PTPRO: variants seen among roughly 807,000 people sequenced by gnomAD.
The protein encoded by PTPRO is protein tyrosine phosphatase receptor type O.
A neutral mutation model predicts 145.2 loss-of-function variants in PTPRO; 62 were observed. That is an observed-to-expected ratio of 0.43 (90% CI 0.35 to 0.53). The LOEUF is 0.53. Ranked by LOEUF, PTPRO falls within the 20% of genes least tolerant of loss-of-function variation. The probability of loss-of-function intolerance (pLI) is 0.01; values close to 1 mark genes in which losing one functional copy is unlikely to be tolerated. For synonymous variants in PTPRO, 565 were observed against 514.7 expected, an observed-to-expected ratio of 1.10 and a Z score of -1.32; for missense variants, 1,345 against 1,482.7, an observed-to-expected ratio of 0.91 and a Z score of 1.53.
chr12:15,578,942 A>G lies in PTPRO; in HGVS notation c.2919A>G (p.Pro973=), dbSNP rs753486607. 2.5e-6 allele frequency: 4 copies of G among 1,575,732 alleles called. No homozygotes were observed. The highest frequency in any genetic ancestry group is 3.5e-6 in the Non-Finnish European group (4 of 1,145,222). ...AAAACCGTTACACAAACATCCTACCATGTAAGATCGTCAATTGTGCCAATA... is the reference window on the plus strand; with the variant it reads ...AAAACCGTTACACAAACATCCTACCGTGTAAGATCGTCAATTGTGCCAATA... ...RCKNRYTNIL[P]YDFSRVRLVS... is the part of the protein sequence containing the mutation. The change falls in exon 20 of 27, where the codon CCA becomes CCG. Residue 973 remains proline (P), a splice_region_variant and synonymous_variant. Coordinates refer to ENST00000281171, the MANE Select transcript of PTPRO (RefSeq NM_030667.3).
chr12:15,527,502 A>G (rs1565686095), intron 12 of PTPRO, among the ~76,000 whole-genome samples: 1 of 152,172 alleles, frequency 6.6e-6, no homozygotes, highest in Non-Finnish European at 1.5e-5. Context: ...AGTCCCAGCA[A>G]CTCTGCTCTG....
chr12:15,569,618 G>T, intron 19 of PTPRO, 120 bp downstream of exon 19: 2 of 895,850 alleles, frequency 2.2e-6, no homozygotes, highest in East Asian at 5.1e-5. Context: ...TATTGGCCTG[G>T]GGATTGCTGA....
At chr12:15,490,133 G>C (rs1050565185) in intron 2 of PTPRO, among the ~76,000 whole-genome samples, 2 of 152,232 alleles carry the variant, frequency 1.3e-5, no homozygotes, top group African/African-American at 4.8e-5. Flanking sequence ...GCTCTCTCTT[G>C]TAGCAAAGCT....
chr12:15,529,518 C>T (rs982192514), intron 12 of PTPRO, among the ~76,000 whole-genome samples: 7 of 151,926 alleles, frequency 4.6e-5, no homozygotes, highest in African/African-American at 1.4e-4. Flanking sequence ...TGACACATGC[C>T]TGTGGTCCCA....
chr12:15,396,610 G>A (rs1375289194), intron 1 of PTPRO, among the ~76,000 whole-genome samples: 1 of 152,052 alleles, frequency 6.6e-6, no homozygotes, highest in Non-Finnish European at 1.5e-5. Context: ...ATTGAACAAG[G>A]AATCTAGTAA....
chr12:15,452,399 G>A (rs1272399773), intron 1 of PTPRO, among the ~76,000 whole-genome samples: 1 of 152,084 alleles, frequency 6.6e-6, no homozygotes, highest in Non-Finnish European at 1.5e-5. Context: ...ATTCACAGGT[G>A]AATTCTATCA....
At chr12:15,370,899 A>G (rs1321787224) in intron 1 of PTPRO, among the ~76,000 whole-genome samples, 1 of 152,226 alleles carries the variant, frequency 6.6e-6, no homozygotes, top group African/African-American at 2.4e-5. Flanking sequence ...TTAAATTTCC[A>G]ACAATCAGAG....
At chr12:15,429,769 A>G (rs1940383139) in intron 1 of PTPRO, among the ~76,000 whole-genome samples, 1 of 152,182 alleles carries the variant, frequency 6.6e-6, no homozygotes, top group Non-Finnish European at 1.5e-5. Context: ...AAACAACTGG[A>G]TGAGTGTAAG....
intron 1 of PTPRO, among the ~76,000 whole-genome samples, chr12:15,347,505 T>G (rs1295382512): frequency 1.3e-5 from 2 of 152,168 alleles, no homozygotes; most frequent in Non-Finnish European, 2.9e-5. Context: ...ACAGATGTAA[T>G]TAATTTTTAG....
At chr12:15,590,262 C>T (rs1944518808) in intron 25 of PTPRO, among the ~76,000 whole-genome samples, 1 of 152,190 alleles carries the variant, frequency 6.6e-6, no homozygotes, top group Non-Finnish European at 1.5e-5. Context: ...CAACCCAAGG[C>T]AACGCCGGCA....
At chr12:15,572,830 T>C (rs536836330) in intron 19 of PTPRO, among the ~76,000 whole-genome samples, 19 of 152,242 alleles carry the variant, frequency 1.2e-4, no homozygotes, top group East Asian at 1.2e-3. Context: ...CAGATGAAAT[T>C]TGAAAATGTG....
At chr12:15,507,500 A>G (rs566912723) in intron 6 of PTPRO, among the ~76,000 whole-genome samples, 15 of 152,316 alleles carry the variant, frequency 9.8e-5, no homozygotes, top group African/African-American at 3.6e-4. Context: ...TTATATGCTA[A>G]AAAACAGTTT....
At chr12:15,445,497 G>C (rs1591818386) in intron 1 of PTPRO, among the ~76,000 whole-genome samples, 1 of 152,126 alleles carries the variant, frequency 6.6e-6, no homozygotes, top group South Asian at 2.1e-4. Context: ...AAGGAGTGAA[G>C]TTCTTTGGTT....
At chr12:15,428,667 T>C (rs1359255683) in intron 1 of PTPRO, among the ~76,000 whole-genome samples, 1 of 152,140 alleles carries the variant, frequency 6.6e-6, no homozygotes, top group African/African-American at 2.4e-5. Context: ...TATTACTGTT[T>C]CAAATAAGAT....
chr12:15,420,148 G>GAAA (rs35302259), intron 1 of PTPRO, among the ~76,000 whole-genome samples: 35 of 81,674 alleles, frequency 4.3e-4, no homozygotes, highest in Middle Eastern at 6.6e-3. Context: ...CTCCGACTCA[G>GAAA]AAAAAAAAAA....
intron 1 of PTPRO, among the ~76,000 whole-genome samples, chr12:15,408,424 CGTTGTT>C (rs760941723): frequency 6.6e-6 from 1 of 151,608 alleles, no homozygotes; most frequent in Non-Finnish European, 1.5e-5. Flanking sequence ...TTTTTGTTTT[CGTTGTT>C]GTTGTTGTTG....
chr12:15,577,061 G>T (rs533913116), intron 19 of PTPRO, among the ~76,000 whole-genome samples: 2 of 152,168 alleles, frequency 1.3e-5, no homozygotes, highest in South Asian at 4.1e-4. Context: ...CCTTTAAAAT[G>T]GAACACTCAG....
Position 15,409,184 on chromosome 12 carries a change from T to C in PTPRO, c.76-74790T>C, listed in dbSNP as rs574385543. Among the ~76,000 whole-genome samples the C allele has an allele frequency of 2.6e-5, 4 of 152,268 alleles. No homozygotes were observed. The South Asian group carries it at 8.3e-4, about 32-fold the overall frequency. On this transcript the variant is annotated intron_variant, in intron 1 of 26. Transcript: ENST00000281171. ...TTTGATGGAAGTCAGCCAACAAATATTATGCTGCGTCAAAACAGTGTAGCT... is the reference window on the plus strand; with the variant it reads ...TTTGATGGAAGTCAGCCAACAAATACTATGCTGCGTCAAAACAGTGTAGCT...
intron 1 of PTPRO, among the ~76,000 whole-genome samples, chr12:15,419,043 T>C (rs1262841577): frequency 1.3e-5 from 2 of 151,674 alleles, no homozygotes; most frequent in African/African-American, 2.4e-5. Context: ...TATTAAATGC[T>C]AGATCAGTCT....
Sources: allele counts gnomAD v4.1 joint callset (sites outside exome capture counted in the v4.1 genomes callset), GRCh38; gene constraint gnomAD v4.1.1; transcripts MANE v1.5; gene names NCBI Gene and HGNC (gene_info 2026-07-23, HGNC 2026-07-21).